LRP1B: variants seen among roughly 807,000 people sequenced by gnomAD.
The protein encoded by LRP1B is LDL receptor related protein 1B.
LRP1B carries 217 observed loss-of-function variants against 556.6 expected under a neutral mutation model. That is an observed-to-expected ratio of 0.39 (90% confidence interval 0.35 to 0.44). The LOEUF (loss-of-function observed/expected upper bound fraction) is 0.44. Among genes scored for constraint, LRP1B ranks in the 20% least tolerant of loss-of-function variants. The pLI, the probability that LRP1B is intolerant of heterozygous loss-of-function variation, is 1.00. For synonymous variants in LRP1B, 2,047 were observed against 1,865.8 expected, an observed-to-expected ratio of 1.10 and a Z score of -2.50; for missense variants, 5,053 against 5,620.8, an observed-to-expected ratio of 0.90 and a Z score of 3.23.
chr2:141,739,608 C>T lies in LRP1B; in HGVS notation c.205+70671G>A, dbSNP rs117498986. ...TGAGGTCAAATATTGTCTTCACTTGCGAAGTTGTTTAAAGAACTAAACTAA... is the reference window on the plus strand; with the variant it reads ...TGAGGTCAAATATTGTCTTCACTTGTGAAGTTGTTTAAAGAACTAAACTAA... On this transcript the variant is annotated intron_variant, in intron 2 of 90. Transcript: ENST00000389484. Among the ~76,000 whole-genome samples, 885 of 151,484 alleles carry T rather than the reference C, an allele frequency of 5.8e-3. 28 individuals carry two copies. Among genetic ancestry groups the T allele is most frequent in the Admixed American group, 0.039 (592 of 15,206 alleles).
At chr2:140,815,320 TC>T (rs1691077223) in intron 31 of LRP1B, among the ~76,000 whole-genome samples, 2 of 151,282 alleles carry the variant, frequency 1.3e-5, no homozygotes, top group Non-Finnish European at 1.5e-5. Flanking sequence ...TCTTTTTTTT[TC>T]CTGAGAGTTG....
intron 47 of LRP1B, among the ~76,000 whole-genome samples, chr2:140,529,356 T>A (rs1282830428): frequency 6.6e-6 from 1 of 151,758 alleles, no homozygotes; most frequent in Non-Finnish European, 1.5e-5. Context: ...GTTCTTAGGA[T>A]GTTTCTTATA....
intron 86 of LRP1B, among the ~76,000 whole-genome samples, chr2:140,256,551 C>A (rs1681700613): frequency 7.2e-6 from 1 of 138,984 alleles, no homozygotes; most frequent in Non-Finnish European, 1.5e-5. Flanking sequence ...TCACTGCAAC[C>A]TCTGCCTCCC....
intron 2 of LRP1B, among the ~76,000 whole-genome samples, chr2:141,746,017 A>G (rs1196062269): frequency 1.3e-5 from 2 of 152,072 alleles, no homozygotes; most frequent in African/African-American, 2.4e-5. Flanking sequence ...GAGGACTTCA[A>G]TGCAAGACAA....
At chr2:141,510,234 A>ACACACACACACC (rs767916859) in intron 2 of LRP1B, among the ~76,000 whole-genome samples, 4 of 145,282 alleles carry the variant, frequency 2.8e-5, no homozygotes, top group African/African-American at 1.0e-4. Context: ...ACACACACAC[A>ACACACACACACC]CCCCCCACAG....
chr2:141,663,941 A>C (rs1690323956), intron 2 of LRP1B, among the ~76,000 whole-genome samples: 1 of 151,830 alleles, frequency 6.6e-6, no homozygotes, highest in Non-Finnish European at 1.5e-5. Flanking sequence ...AAAAAACAAA[A>C]ACACAAAACT....
intron 7 of LRP1B, among the ~76,000 whole-genome samples, chr2:141,133,842 T>C (rs1701423082): frequency 6.6e-6 from 1 of 151,976 alleles, no homozygotes; most frequent in South Asian, 2.1e-4. Flanking sequence ...CCCTGATTTT[T>C]AAATCTTAAG....
At chr2:141,867,645 T>C (rs937383194) in intron 1 of LRP1B, among the ~76,000 whole-genome samples, 2 of 152,152 alleles carry the variant, frequency 1.3e-5, no homozygotes, top group East Asian at 1.9e-4. Context: ...TTAGGATGCA[T>C]TGCCTCTTAG....
chr2:140,810,551 G>T (rs1690882492), intron 32 of LRP1B, among the ~76,000 whole-genome samples: 1 of 146,056 alleles, frequency 6.8e-6, no homozygotes, highest in South Asian at 2.3e-4. Flanking sequence ...TCAAATAGAA[G>T]GGGTGGAGGT....
At chr2:140,991,495 G>A (rs944833379) in intron 16 of LRP1B, among the ~76,000 whole-genome samples, 1 of 152,084 alleles carries the variant, frequency 6.6e-6, no homozygotes, top group Non-Finnish European at 1.5e-5. Flanking sequence ...GGTGGTCAGA[G>A]GTGTGTAACT....
intron 59 of LRP1B, 21 bp from the exon 60 acceptor site, chr2:140,475,358 T>C (rs76196699): frequency 0.043 from 65,398 of 1,527,790 alleles, 1,605 homozygotes; most frequent in African/African-American, 0.05. Context: ...AAATCAATAC[T>C]GATTTTGTTT....
chr2:141,996,830 T>A (rs1207822950), intron 1 of LRP1B, among the ~76,000 whole-genome samples: 1 of 152,090 alleles, frequency 6.6e-6, no homozygotes, highest in Admixed American at 6.5e-5. Flanking sequence ...AAATTACTAT[T>A]TAGTAAAATG....
chr2:140,402,881 G>A (rs1159515392), intron 66 of LRP1B, among the ~76,000 whole-genome samples: 2 of 152,148 alleles, frequency 1.3e-5, no homozygotes, highest in Non-Finnish European at 2.9e-5. Context: ...ATGAGAAAGT[G>A]CATACCACAG....
chr2:140,573,761 A>G (rs2105113426), intron 43 of LRP1B, among the ~76,000 whole-genome samples: 1 of 152,108 alleles, frequency 6.6e-6, no homozygotes, highest in East Asian at 1.9e-4. Flanking sequence ...CCCTCTTAAT[A>G]TCTGGTTTCT....
chr2:141,957,714 A>G (rs1038402904), intron 1 of LRP1B, among the ~76,000 whole-genome samples: 7 of 151,984 alleles, frequency 4.6e-5, no homozygotes, highest in Non-Finnish European at 8.8e-5. Flanking sequence ...GAATTAATCG[A>G]CAACATGGCA....
intron 2 of LRP1B, among the ~76,000 whole-genome samples, chr2:141,664,312 C>T (rs1690340259): frequency 6.6e-6 from 1 of 152,194 alleles, no homozygotes; most frequent in African/African-American, 2.4e-5. Flanking sequence ...CAAGGATGCC[C>T]TCTCTGACCA....
chr2:141,322,561 T>C (rs1468982109), intron 3 of LRP1B, among the ~76,000 whole-genome samples: 2 of 152,080 alleles, frequency 1.3e-5, no homozygotes. Context: ...TGAATCAATA[T>C]GGACCATCCT....
chr2:141,121,770 C>G (rs62173717), intron 7 of LRP1B, among the ~76,000 whole-genome samples: 6,051 of 142,110 alleles, frequency 0.043, 170 homozygotes, highest in African/African-American at 0.081. Flanking sequence ...TCATATGGAA[C>G]CAAAAAAGAG....
At chr2:140,617,308 T>G (rs569870852) in intron 41 of LRP1B, among the ~76,000 whole-genome samples, 2 of 151,996 alleles carry the variant, frequency 1.3e-5, no homozygotes, top group Non-Finnish European at 2.9e-5. Context: ...TAACTGTAAC[T>G]GCATTTTATG....
Sources: allele counts gnomAD v4.1 joint callset (sites outside exome capture counted in the v4.1 genomes callset), GRCh38; gene constraint gnomAD v4.1.1; transcripts MANE v1.5; gene names NCBI Gene and HGNC (gene_info 2026-07-23, HGNC 2026-07-21).